MYO16: variants seen among roughly 807,000 people sequenced by gnomAD.
MYO16 encodes the protein unconventional myosin-XVI.
In MYO16, 94 loss-of-function variants were observed where a neutral mutation model predicts 205.3. The observed-to-expected ratio is 0.46, with a 90% CI of 0.39 to 0.54. The LOEUF is 0.54. Ranked by LOEUF, MYO16 falls within the 20% of genes least tolerant of loss-of-function variation. The probability of loss-of-function intolerance (pLI) is 0.00; values close to 1 mark genes in which losing one functional copy is unlikely to be tolerated. For missense variants in MYO16, 2,315 were observed against 2,387.5 expected (o/e 0.97, Z 0.63); for synonymous variants, 988 against 954.0 (o/e 1.04, Z -0.66).
intron 24 of MYO16, chr13:109,048,380 C>T: frequency 1.3e-6 from 1 of 749,398 alleles, no homozygotes; most frequent in Non-Finnish European, 2.5e-6. Context: ...TTACAATGTA[C>T]CCTTTTGTAT....
intron 5 of MYO16, among the ~76,000 whole-genome samples, chr13:108,792,103 G>A (rs1275542723): frequency 6.6e-6 from 1 of 152,086 alleles, no homozygotes; most frequent in Non-Finnish European, 1.5e-5. Flanking sequence ...AGGAATAGGG[G>A]ACACATCAAT....
Position 109,009,006 on chromosome 13 carries a change from A to G in MYO16, c.2552A>G (p.Tyr851Cys), listed in dbSNP as rs767295227. The stretch of plus-strand genomic sequence containing the variant: ...GAGGGAGTTACCATGGAAACAGCAT[A>G]TTCTCCTGGTAACCAGAATGGAGTT... Reference protein sequence around the residue: ...VQEGVTMETAYSPGNQNGVLD... With the variant: ...VQEGVTMETACSPGNQNGVLD... The change falls in exon 22 of 35, where the codon TAT becomes TGT. Residue 851 changes from tyrosine (Y) to cysteine (C), a missense_variant. Tyr to Cys is a radical substitution (Grantham distance 194). Around this residue, in one of 3 missense-constraint regions of MYO16, gnomAD observed 1,213 missense variants for 1,274.4 expected, o/e 0.95. Coordinates refer to ENST00000457511, the MANE Select transcript of MYO16 (RefSeq NM_001198950.3). 6.2e-6 allele frequency: 10 copies of G among 1,607,346 alleles called. No homozygotes were observed. The highest frequency in any genetic ancestry group is 8.5e-6 in the Non-Finnish European group (10 of 1,177,978).
chr13:109,044,020 A>G (rs1171469972), intron 23 of MYO16, among the ~76,000 whole-genome samples: 3 of 152,204 alleles, frequency 2.0e-5, no homozygotes, highest in Non-Finnish European at 4.4e-5. Flanking sequence ...TAGCAGCCAG[A>G]CAGGGTCCAT....
At chr13:109,006,649 T>C (rs1885396744) in intron 21 of MYO16, among the ~76,000 whole-genome samples, 1 of 152,238 alleles carries the variant, frequency 6.6e-6, no homozygotes, top group African/African-American at 2.4e-5. Context: ...TGAGATCTAA[T>C]TTTCTTTCAA....
intron 16 of MYO16, among the ~76,000 whole-genome samples, chr13:108,921,099 G>A (rs900380498): frequency 1.3e-5 from 2 of 152,200 alleles, no homozygotes; most frequent in Admixed American, 1.3e-4. Context: ...GACCAAGCCC[G>A]TCTGCCTCAC....
chr13:108,728,849 C>T (rs1884427762), intron 4 of MYO16, among the ~76,000 whole-genome samples: 1 of 152,168 alleles, frequency 6.6e-6, no homozygotes, highest in Non-Finnish European at 1.5e-5. Flanking sequence ...CATACTGCCC[C>T]TCTTCCCCCC....
chr13:108,926,980 G>A (rs1239144114), intron 16 of MYO16, among the ~76,000 whole-genome samples: 2 of 152,146 alleles, frequency 1.3e-5, no homozygotes, highest in African/African-American at 2.4e-5. Context: ...TCCCGGTATG[G>A]GAAAGGCCCC....
At chr13:108,541,323 A>T in the MYO16 span, among the ~76,000 whole-genome samples, 1 of 151,474 alleles carries the variant, frequency 6.6e-6, no homozygotes, top group African/African-American at 2.4e-5. Flanking sequence ...ATATAGATAC[A>T]TGTATTAATT....
rs376928382 is a variant in MYO16, at chr13:109,141,224, A to G, written c.5012A>G (p.Lys1671Arg). Residue 1671 changes from lysine (K) to arginine (R), a missense_variant, in exon 32 of 35, where the codon AAG becomes AGG. Lys to Arg is a conservative substitution (Grantham distance 26). Around this residue, in one of 3 missense-constraint regions of MYO16, gnomAD observed 1,097 missense variants for 1,092.0 expected, o/e 1.00. Coordinates refer to ENST00000457511, the MANE Select transcript of MYO16 (RefSeq NM_001198950.3). The surrounding 1 kb of genome is among the most constrained non-coding windows in gnomAD (Gnocchi z 4.1). ...PVKATRADAR[K>R]AGSSASPPAP... ...AAGGCCACCAGGGCGGACGCCAGGAAGGCCGGCTCCAGTGCCTCGCCCCCC... is the reference window on the plus strand; with the variant it reads ...AAGGCCACCAGGGCGGACGCCAGGAGGGCCGGCTCCAGTGCCTCGCCCCCC... The G allele has an allele frequency of 2.9e-5, 47 of 1,606,390 alleles. No homozygotes were observed. Among genetic ancestry groups the G allele is most frequent in the Middle Eastern group, 1.7e-4 (1 of 6,056 alleles).
chr13:108,525,674 C>G, the MYO16 span, among the ~76,000 whole-genome samples: 2 of 152,236 alleles, frequency 1.3e-5, no homozygotes, highest in Non-Finnish European at 2.9e-5. Flanking sequence ...TGACTGAACT[C>G]TTTGTGGACA....
chr13:109,145,501 T>A (rs1385288357), intron 32 of MYO16, among the ~76,000 whole-genome samples: 2 of 152,236 alleles, frequency 1.3e-5, no homozygotes, highest in African/African-American at 4.8e-5. Context: ...TGATGATGGG[T>A]ATGTATAATT....
intron 4 of MYO16, among the ~76,000 whole-genome samples, chr13:108,736,265 T>G (rs890623831): frequency 6.6e-6 from 1 of 152,218 alleles, no homozygotes; most frequent in Non-Finnish European, 1.5e-5. Context: ...TTCTAGGGTT[T>G]TTATGGTTTT....
the MYO16 span, among the ~76,000 whole-genome samples, chr13:108,536,147 G>A: frequency 6.6e-6 from 1 of 152,158 alleles, no homozygotes; most frequent in African/African-American, 2.4e-5. Flanking sequence ...TGTAGGCTAA[G>A]TGAGAGTATT....
intron 34 of MYO16, 103 bp downstream of exon 34, chr13:109,179,736 G>A (rs1033870): frequency 0.45 from 395,518 of 879,964 alleles, 92,960 homozygotes; most frequent in African/African-American, 0.63. Context: ...TGGACTGGAG[G>A]GCTCAGCTGT....
chr13:108,962,150 C>G (rs1260335106), intron 18 of MYO16, among the ~76,000 whole-genome samples: 1 of 152,098 alleles, frequency 6.6e-6, no homozygotes, highest in Non-Finnish European at 1.5e-5. Flanking sequence ...AACCAGGTAC[C>G]TGGAAAAAAA....
At chr13:109,189,816 C>T (rs1432220149) in intron 34 of MYO16, among the ~76,000 whole-genome samples, 4 of 152,176 alleles carry the variant, frequency 2.6e-5, no homozygotes, top group Non-Finnish European at 5.9e-5. Flanking sequence ...TTTAGCATTT[C>T]ATTTAGAGTA....
rs1002546465 is a variant in MYO16, at chr13:108,665,827, G to A, written c.29-59G>A. The A allele has an allele frequency of 2.6e-6, 4 of 1,527,924 alleles. No homozygotes were observed. The African/African-American group carries it at 5.5e-5, about 21-fold the overall frequency. 94.6% of individuals were successfully genotyped at this position (1,527,924 alleles called of 1,614,324 possible). A position where few individuals can be genotyped will look rare whatever the true frequency, so the allele number is the denominator to read the frequency against. On this transcript the variant is annotated intron_variant, in intron 1 of 34. Transcript: ENST00000457511. ...AATATAAAATCAAGTGTGCTGTGGT[G>A]CACACTTATAGTGGTTATAATAATA...
chr13:108,552,269 T>C, the MYO16 span, among the ~76,000 whole-genome samples: 1 of 152,214 alleles, frequency 6.6e-6, no homozygotes, highest in Non-Finnish European at 1.5e-5. Context: ...ATGGAGAATA[T>C]GCTGAGTGTT....
chr13:109,070,245 C>T (rs1472834871), intron 27 of MYO16, among the ~76,000 whole-genome samples: 1 of 152,208 alleles, frequency 6.6e-6, no homozygotes, highest in Non-Finnish European at 1.5e-5. Flanking sequence ...CCATAAGTCT[C>T]ATTGGATTTC....
Sources: gnomAD v4.1 joint callset for allele counts (sites outside exome capture counted in the v4.1 genomes callset) on GRCh38, gnomAD v4.1.1 for gene constraint, gnomAD v4.1.1 regional missense constraint, Gnocchi (gnomAD v3.1) non-coding constraint, MANE v1.5 for transcripts, NCBI Gene and HGNC (gene_info 2026-07-23, HGNC 2026-07-21) for gene names.